DLG1: variants seen among roughly 807,000 people sequenced by gnomAD.
DLG1 encodes the protein disks large homolog 1.
A neutral mutation model predicts 123.4 loss-of-function variants in DLG1; 42 were observed. The ratio of observed to expected loss-of-function variants is 0.34; its 90% CI spans 0.27 to 0.44. The LOEUF is 0.44. Among genes scored for constraint, DLG1 ranks in the 20% least tolerant of loss-of-function variants. The pLI, the probability that DLG1 is intolerant of heterozygous loss-of-function variation, is 1.00. For synonymous variants in DLG1, 317 were observed against 356.2 expected, an observed-to-expected ratio of 0.89 and a Z score of 1.24; for missense variants, 942 against 1,082.6, an observed-to-expected ratio of 0.87 and a Z score of 1.82.
intron 4 of DLG1, among the ~76,000 whole-genome samples, chr3:197,278,499 A>G (rs1011342208): frequency 6.6e-6 from 1 of 151,850 alleles, no homozygotes; most frequent in African/African-American, 2.4e-5. Flanking sequence ...AGTACAAAAA[A>G]GAAAAAAATC....
rs549813356 is a variant in DLG1 at position 197,279,133 on chromosome 3, A to G, written c.318+3546T>C. On this transcript the variant is annotated intron_variant, in intron 4 of 24. Coordinates refer to ENST00000667157, the MANE Select transcript of DLG1 (RefSeq NM_001366207.1). ...AAAGTAGCAAATGAAACAAGAGATC[A>G]AATGATCACTTAGCCAAGTTTTCCA... 1.4e-4 allele frequency among the ~76,000 whole-genome samples: 21 copies of G among 152,358 alleles called. No individual in the cohort carries two copies. In the South Asian group the frequency reaches 4.3e-3, roughly 32 times the overall value.
chr3:197,058,325 A>C (rs973244129), intron 23 of DLG1, among the ~76,000 whole-genome samples: 14 of 152,074 alleles, frequency 9.2e-5, no homozygotes, highest in Non-Finnish European at 1.9e-4. Context: ...CTTTCCTAAT[A>C]TTTGATTTTC....
chr3:197,132,441 A>C (rs1783138755), intron 10 of DLG1, among the ~76,000 whole-genome samples: 1 of 152,230 alleles, frequency 6.6e-6, no homozygotes, highest in Non-Finnish European at 1.5e-5. Context: ...TTTTCACAAA[A>C]AAATGTAAAG....
chr3:197,069,013 TA>T (rs1367015520), intron 19 of DLG1, among the ~76,000 whole-genome samples: 3 of 152,116 alleles, frequency 2.0e-5, no homozygotes, highest in Non-Finnish European at 4.4e-5. Context: ...ATAATATTTT[TA>T]TTTTATTAAA....
chr3:197,135,175 T>A lies in DLG1; in HGVS notation c.1020+1367A>T, dbSNP rs149869766. Among the ~76,000 whole-genome samples, 1,479 of 152,318 alleles carry A rather than the reference T, an allele frequency of 9.7e-3. 18 individuals carry two copies. Among genetic ancestry groups the A allele is most frequent in the African/African-American group, 0.023 (957 of 41,554 alleles). Reference sequence around the variant, plus strand: ...ACACAGCCAAATAATACCTTAGCACTTTAGCTTTTCTTCAGATTCCGTTTC... The same window carrying A: ...ACACAGCCAAATAATACCTTAGCACATTAGCTTTTCTTCAGATTCCGTTTC... On this transcript the variant is annotated intron_variant, in intron 10 of 24. Transcript: ENST00000667157.
chr3:197,171,579 G>A (rs1018755706), intron 5 of DLG1, among the ~76,000 whole-genome samples: 4 of 152,152 alleles, frequency 2.6e-5, no homozygotes, highest in Non-Finnish European at 5.9e-5. Context: ...GAGTACAAGT[G>A]TGTTAGTTCA....
chr3:197,163,390 C>G (rs967870383), intron 5 of DLG1, among the ~76,000 whole-genome samples: 2 of 152,076 alleles, frequency 1.3e-5, no homozygotes, highest in Non-Finnish European at 2.9e-5. Context: ...AAAGTGAGAG[C>G]AAGGACTTGG....
chr3:197,279,481 C>G (rs1163356541), intron 4 of DLG1, among the ~76,000 whole-genome samples: 1 of 152,180 alleles, frequency 6.6e-6, no homozygotes, highest in Non-Finnish European at 1.5e-5. Flanking sequence ...TGAATATGAA[C>G]AGATTTCAAA....
chr3:197,051,965 T>C (rs1018925307), intron 23 of DLG1, among the ~76,000 whole-genome samples: 4 of 149,414 alleles, frequency 2.7e-5, no homozygotes, highest in African/African-American at 9.8e-5. Context: ...CCCCCATCTC[T>C]CAAGTAGCTG....
chr3:197,052,120 T>C (rs916785043), intron 23 of DLG1, among the ~76,000 whole-genome samples: 1 of 151,938 alleles, frequency 6.6e-6, no homozygotes, highest in Non-Finnish European at 1.5e-5. Context: ...GGATTACAGA[T>C]GTGAGCCACC....
chr3:197,220,374 A>G (rs768853740), intron 4 of DLG1, among the ~76,000 whole-genome samples: 5 of 152,272 alleles, frequency 3.3e-5, no homozygotes, highest in South Asian at 2.1e-4. Flanking sequence ...ATAAGTATAT[A>G]AAGTGTGAAA....
At chr3:197,119,371 T>C (rs751278647) in intron 12 of DLG1, 39 bp downstream of exon 12, 4 of 1,517,662 alleles carry the variant, frequency 2.6e-6, no homozygotes, top group African/African-American at 2.8e-5. Flanking sequence ...AATTTAATAG[T>C]TGATTTTATG....
At chr3:197,167,105 C>T (rs1316622293) in intron 5 of DLG1, among the ~76,000 whole-genome samples, 1 of 152,028 alleles carries the variant, frequency 6.6e-6, no homozygotes, top group African/African-American at 2.4e-5. Flanking sequence ...CAATCTGTAA[C>T]TCAATGATAA....
intron 23 of DLG1, among the ~76,000 whole-genome samples, chr3:197,057,073 C>T (rs1479630682): frequency 7.0e-6 from 1 of 143,436 alleles, no homozygotes; most frequent in Admixed American, 6.9e-5. Context: ...TTTTTAGTTA[C>T]TGACTCTTTG....
intron 18 of DLG1, among the ~76,000 whole-genome samples, chr3:197,072,775 C>T (rs1744864639): frequency 6.6e-6 from 1 of 152,074 alleles, no homozygotes; most frequent in African/African-American, 2.4e-5. Flanking sequence ...TTACTGCAAC[C>T]TTCACCTCCC....
At chr3:197,074,327 T>C (rs1745903134) in intron 18 of DLG1, among the ~76,000 whole-genome samples, 1 of 152,096 alleles carries the variant, frequency 6.6e-6, no homozygotes, top group African/African-American at 2.4e-5. Flanking sequence ...AATAACGTCG[T>C]CTGATAATCA....
intron 4 of DLG1, chr3:197,260,245 A>G (rs917274983): frequency 1.8e-5 from 8 of 434,220 alleles, no homozygotes; most frequent in Admixed American, 7.6e-5. Flanking sequence ...ACAGAAAAGC[A>G]TATTATATCT....
At chr3:197,154,949 T>G (rs1795701255) in intron 5 of DLG1, among the ~76,000 whole-genome samples, 1 of 152,068 alleles carries the variant, frequency 6.6e-6, no homozygotes, top group African/African-American at 2.4e-5. Context: ...TGAGACATCA[T>G]CAAGCAGACC....
chr3:197,249,796 C>G (rs917397638), intron 4 of DLG1, among the ~76,000 whole-genome samples: 2 of 152,144 alleles, frequency 1.3e-5, no homozygotes, highest in Admixed American at 1.3e-4. Context: ...ATCACATTAA[C>G]AGAACCGAAA....
Sources: gnomAD v4.1 joint callset for allele counts (sites outside exome capture counted in the v4.1 genomes callset) on GRCh38, gnomAD v4.1.1 for gene constraint, MANE v1.5 for transcripts, NCBI Gene and HGNC (gene_info 2026-07-23, HGNC 2026-07-21) for gene names.